PTPRD: variants seen among roughly 807,000 people sequenced by gnomAD.
The protein encoded by PTPRD is receptor-type tyrosine-protein phosphatase delta.
In PTPRD, 34 loss-of-function variants were observed where a neutral mutation model predicts 214.5. That is an observed-to-expected ratio of 0.16 (90% CI 0.12 to 0.21). The LOEUF (loss-of-function observed/expected upper bound fraction) is 0.21. PTPRD is among the 10% of genes least tolerant of loss of function. PTPRD has a pLI of 1.00. For missense variants in PTPRD, 2,545 were observed against 2,398.7 expected, an observed-to-expected ratio of 1.06 and a Z score of -1.27; for synonymous variants, 1,128 against 845.7, an observed-to-expected ratio of 1.33 and a Z score of -5.79.
At chr9:8,481,509 A>G (rs903617351) in intron 30 of PTPRD, among the ~76,000 whole-genome samples, 2 of 152,150 alleles carry the variant, frequency 1.3e-5, no homozygotes, top group Non-Finnish European at 2.9e-5. Flanking sequence ...ATCTGCTTTA[A>G]GTTTTCTGGA....
intron 11 of PTPRD, among the ~76,000 whole-genome samples, chr9:8,840,534 C>G (rs2097537969): frequency 6.6e-6 from 1 of 152,156 alleles, no homozygotes; most frequent in South Asian, 2.1e-4. Flanking sequence ...CGGACTAATA[C>G]AATATTTTCT....
At position 10,225,366 on chromosome 9, in the gene PTPRD, G is replaced by A. The variant is rs187979567; in HGVS notation, c.-545+115597C>T. Among the ~76,000 whole-genome samples, 765 of 152,118 alleles carry A rather than the reference G, an allele frequency of 5.0e-3. 5 individuals carry two copies. The highest frequency in any genetic ancestry group is 6.9e-3 in the Non-Finnish European group (467 of 67,948). ...AATTTGTTTCCTAAGTTTAATGTAT[G>A]TAGCCTTCTTAAGCAAGATAAAAGA... On this transcript the variant is annotated intron_variant, in intron 3 of 45. Transcript: ENST00000381196.
chr9:8,622,789 T>C (rs1441576364), intron 14 of PTPRD, among the ~76,000 whole-genome samples: 1 of 151,918 alleles, frequency 6.6e-6, no homozygotes, highest in Non-Finnish European at 1.5e-5. Flanking sequence ...TCCAGCAGTC[T>C]GCAAGAAAAT....
At chr9:10,533,416 T>C (rs961632364) in intron 2 of PTPRD, among the ~76,000 whole-genome samples, 5 of 152,146 alleles carry the variant, frequency 3.3e-5, no homozygotes, top group African/African-American at 7.2e-5. Flanking sequence ...TATTTGTAGA[T>C]GAGAAAATTC....
intron 9 of PTPRD, among the ~76,000 whole-genome samples, chr9:9,394,569 A>G (rs1320063195): frequency 2.0e-5 from 3 of 152,172 alleles, no homozygotes; most frequent in African/African-American, 7.2e-5. Flanking sequence ...TAAAGATGAT[A>G]ATAATAGCAC....
intron 8 of PTPRD, among the ~76,000 whole-genome samples, chr9:9,472,393 C>G (rs1338201025): frequency 6.6e-6 from 1 of 151,602 alleles, no homozygotes; most frequent in East Asian, 2.0e-4. Flanking sequence ...TTAGTAGAGA[C>G]GGGGTTTCAC....
intron 2 of PTPRD, among the ~76,000 whole-genome samples, chr9:10,486,596 G>A (rs11506311): frequency 0.26 from 39,143 of 151,980 alleles, 5,637 homozygotes; most frequent in Non-Finnish European, 0.32. Context: ...ATTATTTAAC[G>A]TCTATTTATT....
chr9:9,962,851 G>C (rs147942459), intron 4 of PTPRD, among the ~76,000 whole-genome samples: 19 of 151,944 alleles, frequency 1.3e-4, no homozygotes, highest in Non-Finnish European at 2.6e-4. Context: ...AAATATAGTA[G>C]CACAATTTTC....
intron 3 of PTPRD, among the ~76,000 whole-genome samples, chr9:10,177,693 TTAATAA>T (rs530199751): frequency 6.6e-6 from 1 of 151,924 alleles, no homozygotes; most frequent in Non-Finnish European, 1.5e-5. Flanking sequence ...TTAGCAGGAC[TTAATAA>T]TTAATTGTTA....
rs368962693 is a variant in PTPRD, at chr9:9,503,498, C to T, written c.-237+71234G>A. Among the ~76,000 whole-genome samples the T allele has an allele frequency of 2.8e-3, 418 of 151,608 alleles. 2 individuals carry two copies. Among genetic ancestry groups the T allele is most frequent in the Non-Finnish European group, 4.3e-3 (290 of 67,726 alleles). On this transcript the variant is annotated intron_variant, in intron 8 of 45. Transcript: ENST00000381196. ...AGTATCTGGGCTCATAACTGTAAGA[C>T]CAGATGAAAAAATGTAGAGGAGGCC...
chr9:10,053,749 A>G (rs1207090726), intron 3 of PTPRD, among the ~76,000 whole-genome samples: 2 of 152,064 alleles, frequency 1.3e-5, no homozygotes, highest in African/African-American at 4.8e-5. Flanking sequence ...TCTGTATAGG[A>G]CATAGGATGA....
intron 4 of PTPRD, among the ~76,000 whole-genome samples, chr9:9,977,028 A>G (rs370960241): frequency 6.6e-6 from 1 of 152,206 alleles, no homozygotes; most frequent in African/African-American, 2.4e-5. Flanking sequence ...ATGAAAATAT[A>G]TAGCACTGGC....
At chr9:10,403,953 C>A (rs1307147320) in intron 2 of PTPRD, among the ~76,000 whole-genome samples, 1 of 151,594 alleles carries the variant, frequency 6.6e-6, no homozygotes, top group African/African-American at 2.4e-5. Flanking sequence ...TCCAAATCCA[C>A]AGAATGTACC....
chr9:10,035,235 G>A (rs936829466), intron 3 of PTPRD, among the ~76,000 whole-genome samples: 19 of 151,912 alleles, frequency 1.3e-4, no homozygotes, highest in African/African-American at 3.4e-4. Flanking sequence ...GTTGTTGGCC[G>A]CATGTAGGTC....
chr9:9,732,879 G>A (rs1373579479), intron 7 of PTPRD, among the ~76,000 whole-genome samples: 12 of 151,246 alleles, frequency 7.9e-5, no homozygotes, highest in Admixed American at 7.3e-4. Flanking sequence ...AACCCAGGAG[G>A]CCAGCATGGG....
At chr9:9,436,473 T>C (rs920391976) in intron 8 of PTPRD, among the ~76,000 whole-genome samples, 1 of 152,180 alleles carries the variant, frequency 6.6e-6, no homozygotes, top group Non-Finnish European at 1.5e-5. Context: ...CTGGCAAGAA[T>C]TAAACTCTCC....
At chr9:10,278,767 T>TTTTGTTTTG (rs567429953) in intron 3 of PTPRD, among the ~76,000 whole-genome samples, 4 of 151,646 alleles carry the variant, frequency 2.6e-5, no homozygotes, top group Admixed American at 1.3e-4. Flanking sequence ...AAAGGTTTTT[T>TTTTGTTTTG]TTTTGTTTTG....
At chr9:10,082,871 T>C (rs928668379) in intron 3 of PTPRD, among the ~76,000 whole-genome samples, 1 of 139,986 alleles carries the variant, frequency 7.1e-6, no homozygotes, top group Non-Finnish European at 1.6e-5. Flanking sequence ...ACACCCTAGA[T>C]TTATTTTGGG....
At chr9:8,709,250 C>A (rs942342573) in intron 12 of PTPRD, among the ~76,000 whole-genome samples, 15 of 151,988 alleles carry the variant, frequency 9.9e-5, no homozygotes, top group Non-Finnish European at 1.5e-5. Flanking sequence ...CGCAGTGGCT[C>A]GCACCTGTAA....
Sources: allele counts gnomAD v4.1 joint callset (sites outside exome capture counted in the v4.1 genomes callset), GRCh38; gene constraint gnomAD v4.1.1; transcripts MANE v1.5; gene names NCBI Gene and HGNC (gene_info 2026-07-23, HGNC 2026-07-21).